RBFOX3: variants seen among roughly 807,000 people sequenced by gnomAD.
The protein encoded by RBFOX3 is RNA binding protein fox-1 homolog 3.
A neutral mutation model predicts 48.7 loss-of-function variants in RBFOX3; 17 were observed. The observed-to-expected ratio is 0.35, with a 90% CI of 0.24 to 0.52. The LOEUF (loss-of-function observed/expected upper bound fraction) is 0.52, where lower values mean the gene tolerates loss of function less well. RBFOX3 is among the 20% of genes least tolerant of loss of function. RBFOX3 has a pLI of 0.94. For missense variants in RBFOX3, 382 were observed against 497.5 expected, an observed-to-expected ratio of 0.77 and a Z score of 2.21; for synonymous variants, 212 against 209.5, an observed-to-expected ratio of 1.01 and a Z score of -0.10.
At chr17:79,143,345 G>A (rs2042297365) in intron 4 of RBFOX3, among the ~76,000 whole-genome samples, 1 of 139,106 alleles carries the variant, frequency 7.2e-6, no homozygotes, top group Non-Finnish European at 1.5e-5. Context: ...GGACAGTTCT[G>A]TGGATGGTGC....
the RBFOX3 span, among the ~76,000 whole-genome samples, chr17:79,657,160 G>A: frequency 1.3e-5 from 2 of 152,162 alleles, no homozygotes; most frequent in East Asian, 3.9e-4. Flanking sequence ...AGGAAGGGGA[G>A]GAAGGAGAGA....
At chr17:79,396,030 A>G (rs894322551) in intron 2 of RBFOX3, among the ~76,000 whole-genome samples, 2 of 152,226 alleles carry the variant, frequency 1.3e-5, no homozygotes, top group Admixed American at 6.5e-5. Flanking sequence ...CTGGATGCTC[A>G]AGCTGCCAGG....
At chr17:79,322,647 C>T (rs1282648448) in intron 2 of RBFOX3, among the ~76,000 whole-genome samples, 1 of 152,170 alleles carries the variant, frequency 6.6e-6, no homozygotes, top group Admixed American at 6.5e-5. Flanking sequence ...GCTGGGTCCC[C>T]AGCCGCTGAG....
At chr17:79,433,640 C>T (rs1305942876) in intron 2 of RBFOX3, among the ~76,000 whole-genome samples, 7 of 152,202 alleles carry the variant, frequency 4.6e-5, no homozygotes, top group African/African-American at 9.6e-5. Flanking sequence ...GACTGAGCCA[C>T]GCCCAGCTGG....
chr17:79,315,805 A>C (rs1029741961), intron 2 of RBFOX3, among the ~76,000 whole-genome samples: 4 of 152,148 alleles, frequency 2.6e-5, no homozygotes, highest in African/African-American at 9.7e-5. Flanking sequence ...AGGAAATGTT[A>C]ATGGAGACGC....
chr17:79,207,982 C>A (rs1369934323), intron 4 of RBFOX3, among the ~76,000 whole-genome samples: 1 of 152,206 alleles, frequency 6.6e-6, no homozygotes, highest in African/African-American at 2.4e-5. Flanking sequence ...GCGGGAGCCT[C>A]GGCAAGCCTC....
chr17:79,416,450 T>C (rs1027311768), intron 2 of RBFOX3, among the ~76,000 whole-genome samples: 9 of 152,218 alleles, frequency 5.9e-5, no homozygotes, highest in Non-Finnish European at 2.9e-5. Context: ...CCATTCTCAC[T>C]GTCAGCCCCC....
chr17:79,472,882 A>G (rs903621313), intron 2 of RBFOX3, among the ~76,000 whole-genome samples: 8 of 152,148 alleles, frequency 5.3e-5, no homozygotes, highest in Non-Finnish European at 1.2e-4. Context: ...TTTATTTCCA[A>G]TTCATTCTGG....
At chr17:79,586,873 A>T (rs900659254) in intron 1 of RBFOX3, among the ~76,000 whole-genome samples, 6 of 152,232 alleles carry the variant, frequency 3.9e-5, no homozygotes, top group Non-Finnish European at 2.9e-5. Context: ...TGTGGTTGCA[A>T]CTGCTGTCGA....
chr17:79,558,350 C>A (rs928112984), intron 1 of RBFOX3, among the ~76,000 whole-genome samples: 1 of 152,322 alleles, frequency 6.6e-6, no homozygotes, highest in South Asian at 2.1e-4. Context: ...GCCCTGTGTG[C>A]ATGAGAGCCA....
intron 4 of RBFOX3, among the ~76,000 whole-genome samples, chr17:79,192,355 C>G (rs2054692735): frequency 6.6e-6 from 1 of 152,208 alleles, no homozygotes; most frequent in Admixed American, 6.5e-5. Context: ...CCCTAGGATG[C>G]TGTGACTTTT....
At chr17:79,300,743 C>A (rs968410265) in intron 3 of RBFOX3, among the ~76,000 whole-genome samples, 1 of 152,126 alleles carries the variant, frequency 6.6e-6, no homozygotes, top group Non-Finnish European at 1.5e-5. Context: ...GCCGACGTTT[C>A]GAGACTCTGG....
intron 2 of RBFOX3, among the ~76,000 whole-genome samples, chr17:79,322,621 G>A (rs1055706025): frequency 6.6e-6 from 1 of 152,190 alleles, no homozygotes; most frequent in Non-Finnish European, 1.5e-5. Context: ...AAGGGAGGGG[G>A]TACAGAGGAG....
chr17:79,489,634 T>C (rs1418950360), intron 1 of RBFOX3, among the ~76,000 whole-genome samples: 5 of 152,146 alleles, frequency 3.3e-5, no homozygotes, highest in Non-Finnish European at 5.9e-5. Flanking sequence ...TCTCCAAAGG[T>C]ACTAGAGCTG....
intron 1 of RBFOX3, chr17:79,602,095 T>G (rs2093717783): frequency 6.6e-6 from 1 of 152,126 alleles, no homozygotes; most frequent in Admixed American, 6.5e-5. Context: ...GAAAGAAAAA[T>G]GTACCCGCTG....
intron 1 of RBFOX3, among the ~76,000 whole-genome samples, chr17:79,567,928 T>A (rs949705306): frequency 6.6e-6 from 1 of 152,234 alleles, no homozygotes; most frequent in African/African-American, 2.4e-5. Context: ...GCCTGACCTT[T>A]ACCTCTGCAC....
chr17:79,270,614 G>C (rs2067493771), intron 3 of RBFOX3, among the ~76,000 whole-genome samples: 1 of 152,234 alleles, frequency 6.6e-6, no homozygotes, highest in South Asian at 2.1e-4. Flanking sequence ...AGGCCAGGAC[G>C]CACCACTAAA....
intron 2 of RBFOX3, among the ~76,000 whole-genome samples, chr17:79,379,669 G>A (rs564521687): frequency 1.5e-4 from 23 of 152,284 alleles, no homozygotes; most frequent in Middle Eastern, 6.8e-3. Flanking sequence ...GCTACACTGC[G>A]CTTGTGGTGA....
intron 4 of RBFOX3, among the ~76,000 whole-genome samples, chr17:79,138,496 T>C (rs929643735): frequency 6.6e-6 from 1 of 152,054 alleles, no homozygotes; most frequent in African/African-American, 2.4e-5. Context: ...GTCCAGGTAA[T>C]ACGTACAGCC....
Sources: allele counts gnomAD v4.1 joint callset (sites outside exome capture counted in the v4.1 genomes callset), GRCh38; gene constraint gnomAD v4.1.1; transcripts MANE v1.5; gene names NCBI Gene and HGNC (gene_info 2026-07-23, HGNC 2026-07-21).